F13A1: variants seen among roughly 807,000 people sequenced by gnomAD.
F13A1 encodes the protein coagulation factor XIII A chain, also known as FSF, A subunit.
In F13A1, 47 loss-of-function variants were observed where a neutral mutation model predicts 80.1. The observed-to-expected ratio is 0.59, with a 90% CI of 0.46 to 0.75. F13A1 has a LOEUF of 0.75. Ranked by LOEUF, F13A1 falls within the 30% of genes least tolerant of loss-of-function variation. F13A1 has a pLI of 0.00. For missense variants in F13A1, 817 were observed against 930.4 expected (o/e 0.88, Z 1.59); for synonymous variants, 349 against 344.9 (o/e 1.01, Z -0.13).
chr6:6,210,713 G>A lies in F13A1; in HGVS notation c.1112+11320C>T, dbSNP rs560689847. Among the ~76,000 whole-genome samples, 233 of 150,862 alleles carry A rather than the reference G, an allele frequency of 1.5e-3. 1 individual carries two copies. The highest frequency in any genetic ancestry group is 3.6e-3 in the African/African-American group (148 of 41,016). Reference sequence around the variant, plus strand: ...CAGGCCGTGAAGCATATTTTAATAAGGATGTTAATTATTTTTATTTATTTA... The same window carrying A: ...CAGGCCGTGAAGCATATTTTAATAAAGATGTTAATTATTTTTATTTATTTA... On this transcript the variant is annotated intron_variant, in intron 8 of 14. Transcript: ENST00000264870.
chr6:6,245,281 G>A (rs1240014139), intron 6 of F13A1, among the ~76,000 whole-genome samples: 2 of 152,106 alleles, frequency 1.3e-5, no homozygotes, highest in Non-Finnish European at 2.9e-5. Context: ...TGAGTGCAAT[G>A]GTGTGATCAC....
At chr6:6,308,921 A>G (rs1758552962) in intron 2 of F13A1, among the ~76,000 whole-genome samples, 1 of 152,054 alleles carries the variant, frequency 6.6e-6, no homozygotes, top group African/African-American at 2.4e-5. Context: ...GCAACAATGG[A>G]TCAAAATTCA....
chr6:6,174,133 T>C (rs1432344728), intron 12 of F13A1, among the ~76,000 whole-genome samples: 3 of 151,908 alleles, frequency 2.0e-5, no homozygotes, highest in Admixed American at 2.0e-4. Context: ...CTGACGCCTA[T>C]AATTCCAGCA....
chr6:6,222,217 A>C, intron 7 of F13A1, 46 bp from the exon 8 acceptor site: 1 of 1,612,802 alleles, frequency 6.2e-7, no homozygotes. Flanking sequence ...CCAGCATTTA[A>C]TAAACACAGA....
chr6:6,280,505 T>C (rs1346250754), intron 3 of F13A1, among the ~76,000 whole-genome samples: 3 of 152,202 alleles, frequency 2.0e-5, no homozygotes, highest in Non-Finnish European at 4.4e-5. Context: ...AGATGTTCAT[T>C]GTTCCTTCAT....
At chr6:6,217,866 A>G (rs1561658511) in intron 8 of F13A1, among the ~76,000 whole-genome samples, 1 of 152,166 alleles carries the variant, frequency 6.6e-6, no homozygotes, top group Non-Finnish European at 1.5e-5. Flanking sequence ...ATGTGCTTTG[A>G]AAAAGGTTTG....
At chr6:6,180,818 C>T (rs929943971) in intron 11 of F13A1, among the ~76,000 whole-genome samples, 1 of 152,150 alleles carries the variant, frequency 6.6e-6, no homozygotes, top group Non-Finnish European at 1.5e-5. Context: ...CTTTGTAGTG[C>T]AAATTACTTT....
At chr6:6,300,363 A>T (rs1036675580) in intron 3 of F13A1, among the ~76,000 whole-genome samples, 7 of 150,732 alleles carry the variant, frequency 4.6e-5, no homozygotes, top group Admixed American at 2.0e-4. Context: ...TTGCAGTTTG[A>T]TCTCAGACTG....
intron 10 of F13A1, among the ~76,000 whole-genome samples, chr6:6,190,378 A>G (rs899226764): frequency 6.6e-6 from 1 of 151,882 alleles, no homozygotes; most frequent in Non-Finnish European, 1.5e-5. Context: ...GTCTTTGATG[A>G]TGGTGATGTA....
rs1583104912 is a variant in F13A1, at chr6:6,272,984, C to A, written c.320-6175G>T. ...TAAGAAAAGCTTAAAACAATGACAG[C>A]GCATTCCTCCACTTGCTTTCTGAGG... On this transcript the variant is annotated intron_variant, in intron 3 of 14. Coordinates refer to ENST00000264870, the MANE Select transcript of F13A1 (RefSeq NM_000129.4). Among the ~76,000 whole-genome samples, 3 of 152,144 alleles carry A rather than the reference C, an allele frequency of 2.0e-5. No homozygotes were observed. In the South Asian group the frequency reaches 6.2e-4, roughly 32 times the overall value.
intron 5 of F13A1, among the ~76,000 whole-genome samples, chr6:6,248,695 A>C (rs774846863): frequency 2.0e-4 from 30 of 152,334 alleles, no homozygotes; most frequent in Middle Eastern, 3.4e-3. Flanking sequence ...AGCTGACTTG[A>C]AGTTCTTCAG....
At position 6,243,237 on chromosome 6, in the gene F13A1, T is replaced by TCCA. The variant is rs1184821894; in HGVS notation, c.798+5072_798+5074dup. On this transcript the variant is annotated intron_variant, in intron 6 of 14. Transcript: ENST00000264870. The surrounding 1 kb of genome is among the most constrained non-coding windows in gnomAD (Gnocchi z 4.2). ...CACCACCACCATCACCGTCACCATC[T>TCCA]CCACCACCACCATCACCATCATCAT... Among the ~76,000 whole-genome samples, 1 of 146,586 alleles carries TCCA rather than the reference T, an allele frequency of 6.8e-6. No homozygotes were observed. The highest frequency in any genetic ancestry group is 1.5e-5 in the Non-Finnish European group (1 of 66,188).
intron 10 of F13A1, among the ~76,000 whole-genome samples, chr6:6,185,427 T>A (rs1046105079): frequency 6.8e-6 from 1 of 146,642 alleles, no homozygotes; most frequent in Non-Finnish European, 1.5e-5. Flanking sequence ...AATGATGATG[T>A]GATCTCATTG....
rs139176436 is a variant in F13A1, at chr6:6,234,018, C to T, written c.799-9158G>A. On this transcript the variant is annotated intron_variant, in intron 6 of 14. Transcript: ENST00000264870. ...TACTGAATGAGGAAATGTTGAAAGC[C>T]ATTTCCTCTGAGAACTGGAATAAGA... Among the ~76,000 whole-genome samples, 507 of 152,088 alleles carry T rather than the reference C, an allele frequency of 3.3e-3. 1 individual carries two copies. Among genetic ancestry groups the T allele is most frequent in the African/African-American group, 0.012 (485 of 41,522 alleles).
chr6:6,239,713 TGA>T (rs1199850050), intron 6 of F13A1, among the ~76,000 whole-genome samples: 1 of 145,538 alleles, frequency 6.9e-6, no homozygotes, highest in Non-Finnish European at 1.5e-5. Flanking sequence ...AAATGTGGAC[TGA>T]GAGAGAAAAC....
At chr6:6,316,848 G>T (rs1758692864) in intron 2 of F13A1, among the ~76,000 whole-genome samples, 1 of 152,056 alleles carries the variant, frequency 6.6e-6, no homozygotes, top group Admixed American at 6.6e-5. Context: ...CTGAGGCTTG[G>T]GCACCAATAT....
At chr6:6,223,443 T>C (rs954938482) in intron 7 of F13A1, among the ~76,000 whole-genome samples, 1 of 152,192 alleles carries the variant, frequency 6.6e-6, no homozygotes, top group African/African-American at 2.4e-5. Flanking sequence ...GGGCATCTTT[T>C]ACCTTGTCTT....
At chr6:6,302,117 G>T (rs1466771871) in intron 3 of F13A1, among the ~76,000 whole-genome samples, 2 of 152,108 alleles carry the variant, frequency 1.3e-5, no homozygotes, top group Non-Finnish European at 2.9e-5. Context: ...ATTATTTTCT[G>T]AACGGCCTAT....
At chr6:6,308,460 G>GAAAAA (rs1561686880) in intron 2 of F13A1, among the ~76,000 whole-genome samples, 7 of 95,742 alleles carry the variant, frequency 7.3e-5, no homozygotes, top group Admixed American at 4.2e-4. Context: ...TGGTTTTTCT[G>GAAAAA]TAAAAAAAAA....
Sources: gnomAD v4.1 joint callset for allele counts (sites outside exome capture counted in the v4.1 genomes callset) on GRCh38, gnomAD v4.1.1 for gene constraint, Gnocchi (gnomAD v3.1) non-coding constraint, MANE v1.5 for transcripts, NCBI Gene and HGNC (gene_info 2026-07-23, HGNC 2026-07-21) for gene names.